The following MOSPD2 variants were observed in gnomAD, a reference collection of about 807,000 sequenced individuals.
The protein encoded by MOSPD2 is motile sperm domain-containing protein 2.
In MOSPD2, 5 loss-of-function variants were observed where a neutral mutation model predicts 41.7. The observed-to-expected ratio is 0.12, with a 90% CI of 0.06 to 0.25. The LOEUF is 0.25. MOSPD2 is among the 10% of genes least tolerant of loss of function. The pLI is 1.00. For synonymous variants in MOSPD2, 115 were observed against 126.9 expected, an observed-to-expected ratio of 0.91 and a Z score of 0.63; for missense variants, 282 against 375.2, an observed-to-expected ratio of 0.75 and a Z score of 2.05.
At chrX:14,879,788 G>A (rs1428059032) in intron 2 of MOSPD2, among the ~76,000 whole-genome samples, 1 of 110,753 alleles carries the variant, frequency 9.0e-6, no homozygotes, top group Non-Finnish European at 1.9e-5. Flanking sequence ...AGCAGTATTT[G>A]GGCATCCTTG....
At chrX:14,917,094 G>A (rs1413766499) in intron 13 of MOSPD2, among the ~76,000 whole-genome samples, 1 of 111,861 alleles carries the variant, frequency 8.9e-6, no homozygotes, top group Non-Finnish European at 1.9e-5. Flanking sequence ...TCTAATGGGG[G>A]CAGCATAGGG....
intron 5 of MOSPD2, among the ~76,000 whole-genome samples, chrX:14,899,228 G>A (rs1284656380): frequency 9.2e-6 from 1 of 108,193 alleles, no homozygotes; most frequent in Non-Finnish European, 1.9e-5. Flanking sequence ...GCTATTTCTT[G>A]TAGTCCCCAT....
chrX:14,892,608 T>C (rs182448398), intron 2 of MOSPD2, 115 bp from the exon 3 acceptor site: 1 of 547,850 alleles, frequency 1.8e-6, no homozygotes, highest in Non-Finnish European at 3.0e-6. Context: ...TCCCTGAGTC[T>C]ATCCTCAAAT....
chrX:14,875,145 G>T (rs909848054), intron 2 of MOSPD2, among the ~76,000 whole-genome samples: 1 of 111,942 alleles, frequency 8.9e-6, no homozygotes, highest in South Asian at 3.7e-4. Flanking sequence ...AGAAAGTGAG[G>T]TCTAGAGAGA....
rs868562089 is a variant in MOSPD2, at chrX:14,894,315, G to A, written c.236-993G>A. 4.3e-3 allele frequency among the ~76,000 whole-genome samples: 256 copies of A among 60,043 alleles called. 1 individual carries two copies. The highest frequency in any genetic ancestry group is 5.5e-3 in the Non-Finnish European group (169 of 30,864). 52.1% of individuals were successfully genotyped at this position (60,043 alleles called of 115,157 possible). ...CCTGGCTAATATTTATTTATTGATT[G>A]ATTTTTTTTTTTTTTTTTTTGAGAT... On this transcript the variant is annotated intron_variant, in intron 3 of 14. Transcript: ENST00000380492.
At position 14,921,509 on chromosome X, in the gene MOSPD2, A is replaced by G; in HGVS notation, c.*1700A>G. ...TGGCCTTAATATAATCTAATCCCAA[A>G]GTAGTTGTGTATGTTTTCTGTTCCT... is the stretch of plus-strand genomic sequence containing the variant. On this transcript the variant is annotated 3_prime_UTR_variant, in exon 15 of 15. Coordinates refer to ENST00000380492, the MANE Select transcript of MOSPD2 (RefSeq NM_152581.4). The G allele has an allele frequency of 1.6e-6, 1 of 635,871 alleles. No homozygotes were observed. Among genetic ancestry groups the G allele is most frequent in the Non-Finnish European group, 2.1e-6 (1 of 481,835 alleles). The allele number at this position is 635,871 out of a possible 1,213,427, so 52.4% of individuals were successfully genotyped here.
In MOSPD2 at chrX:14,891,664, T is replaced by A. The variant is rs6631289; in HGVS notation, c.80-1059T>A. 8.3e-5 allele frequency among the ~76,000 whole-genome samples: 9 copies of A among 108,385 alleles called. No homozygotes were observed. In the East Asian group the frequency reaches 2.0e-3, roughly 24 times the overall value. The allele number at this position is 108,385 out of a possible 115,157, so 94.1% of individuals were successfully genotyped here. On this transcript the variant is annotated intron_variant, in intron 2 of 14. Coordinates refer to ENST00000380492, the MANE Select transcript of MOSPD2 (RefSeq NM_152581.4). Reference sequence around the variant, plus strand: ...CTCACTGCAACCTCCACCTCCCGGGTTCAAGCGATTCTCTTGCCTCAGCCA... The same window carrying A: ...CTCACTGCAACCTCCACCTCCCGGGATCAAGCGATTCTCTTGCCTCAGCCA...
chrX:14,889,341 T>C (rs1218671845), intron 2 of MOSPD2, among the ~76,000 whole-genome samples: 4 of 112,223 alleles, frequency 3.6e-5, no homozygotes, highest in Non-Finnish European at 7.5e-5. Context: ...GTCTGAGGGC[T>C]GTGTGTGAAA....
chrX:14,891,524 G>A (rs1175353640), intron 2 of MOSPD2, among the ~76,000 whole-genome samples: 1 of 106,043 alleles, frequency 9.4e-6, no homozygotes, highest in East Asian at 2.9e-4. Context: ...GTTTTTTATT[G>A]TTGTTGTTTT....
chrX:14,911,376 C>T lies in MOSPD2; in HGVS notation c.842C>T (p.Thr281Ile). Residue 281 changes from threonine to isoleucine, a missense_variant, in exon 9 of 15, where the codon ACA (threonine) becomes ATA (isoleucine). Physicochemically the swap from Thr to Ile is moderately conservative, Grantham distance 89. Transcript: ENST00000380492. The stretch of plus-strand genomic sequence containing the variant: ...AGTGATGGCAAAGAAACATTGGAAA[C>T]AATTTCTAATGAAGAACAAACACCT... ...IESDGKETLETISNEEQTPLL... is the reference protein window; with the variant it reads ...IESDGKETLEIISNEEQTPLL... The T allele has an allele frequency of 8.4e-7, 1 of 1,192,444 alleles. No homozygotes were observed.
intron 2 of MOSPD2, among the ~76,000 whole-genome samples, chrX:14,888,200 A>ACACC (rs1385431597): frequency 2.6e-5 from 1 of 38,055 alleles, no homozygotes; most frequent in Non-Finnish European, 5.6e-5. Flanking sequence ...ATATATACAC[A>ACACC]CACACGCACA....
At chrX:14,916,465 A>G in intron 13 of MOSPD2, 139 bp downstream of exon 13, 1 of 977,994 alleles carries the variant, frequency 1.0e-6, no homozygotes, top group South Asian at 2.4e-5. Context: ...CCCAGATGAA[A>G]GAGACCTGGT....
In MOSPD2 at chrX:14,873,745, T is replaced by A. The variant is rs1333598228; in HGVS notation, c.66T>A (p.Ala22=). The A allele has an allele frequency of 8.3e-7, 1 of 1,205,457 alleles. No homozygotes were observed. ...CTGAGACCCGGAGGAGGTTCGAAGC[T>A]GAGTATGTGACAGGTGGGTACTCTG... is the stretch of plus-strand genomic sequence containing the variant. ...LISETRRRFE[A]EYVTDKSDKY... The change falls in exon 2 of 15, where the codon GCT becomes GCA. Residue 22 remains alanine, a synonymous_variant. Coordinates refer to ENST00000380492, the MANE Select transcript of MOSPD2 (RefSeq NM_152581.4).
At chrX:14,899,559 TATAC>T (rs1420901663) in intron 5 of MOSPD2, among the ~76,000 whole-genome samples, 12 of 63,043 alleles carry the variant, frequency 1.9e-4, no homozygotes, top group African/African-American at 5.8e-4. Context: ...ATATATATTA[TATAC>T]ATACACACAC....
chrX:14,917,936 G>A (rs1395620623), intron 13 of MOSPD2, among the ~76,000 whole-genome samples: 1 of 112,025 alleles, frequency 8.9e-6, no homozygotes, highest in African/African-American at 3.2e-5. Flanking sequence ...AAAGTGCGGG[G>A]AACCAAAGCA....
intron 2 of MOSPD2, among the ~76,000 whole-genome samples, chrX:14,884,741 A>G (rs1002527211): frequency 1.8e-5 from 2 of 111,955 alleles, no homozygotes; most frequent in African/African-American, 6.5e-5. Flanking sequence ...GGAAAAAGAT[A>G]TACAAAACAA....
chrX:14,891,782 G>T (rs1293648500), intron 2 of MOSPD2, among the ~76,000 whole-genome samples: 1 of 109,765 alleles, frequency 9.1e-6, no homozygotes, highest in Non-Finnish European at 1.9e-5. Flanking sequence ...GCCCAGGCTG[G>T]TCTCAAATTC....
chrX:14,902,087 A>G (rs1257670312), intron 6 of MOSPD2, among the ~76,000 whole-genome samples: 1 of 111,170 alleles, frequency 9.0e-6, no homozygotes, highest in Non-Finnish European at 1.9e-5. Context: ...ATGAAGAATA[A>G]CTATTATATC....
chrX:14,907,444 G>A (rs1315609692), intron 7 of MOSPD2, among the ~76,000 whole-genome samples: 1 of 111,948 alleles, frequency 8.9e-6, no homozygotes, highest in Non-Finnish European at 1.9e-5. Flanking sequence ...AACAAAAAGT[G>A]GAAACAGCCT....
Sources: gnomAD v4.1 joint callset for allele counts (sites outside exome capture counted in the v4.1 genomes callset) on GRCh38, gnomAD v4.1.1 for gene constraint, MANE v1.5 for transcripts, NCBI Gene and HGNC (gene_info 2026-07-23, HGNC 2026-07-21) for gene names.